The following ITPR1 variants were observed in gnomAD, a reference collection of about 807,000 sequenced individuals.
The protein encoded by ITPR1 is inositol 1,4,5-trisphosphate-gated calcium channel ITPR1.
A neutral mutation model predicts 318.4 loss-of-function variants in ITPR1; 96 were observed. The ratio of observed to expected loss-of-function variants is 0.30; its 90% confidence interval spans 0.26 to 0.36. The LOEUF (loss-of-function observed/expected upper bound fraction) is 0.36, where lower values mean the gene tolerates loss of function less well. ITPR1 is among the 10% of genes least tolerant of loss of function. The pLI is 1.00. For missense variants in ITPR1, 2,440 were observed against 3,460.2 expected, an observed-to-expected ratio of 0.71 and a Z score of 7.40; for synonymous variants, 1,312 against 1,289.9, an observed-to-expected ratio of 1.02 and a Z score of -0.37.
chr3:4,600,475 C>T (rs920259385), intron 4 of ITPR1, among the ~76,000 whole-genome samples: 4 of 144,074 alleles, frequency 2.8e-5, no homozygotes, highest in Admixed American at 7.2e-5. Flanking sequence ...CTCTACGGAC[C>T]TTCCTGTTTT....
At chr3:4,555,800 A>T (rs1326272199) in intron 4 of ITPR1, among the ~76,000 whole-genome samples, 1 of 152,226 alleles carries the variant, frequency 6.6e-6, no homozygotes, top group Non-Finnish European at 1.5e-5. Context: ...GCCCCTTGCT[A>T]TTCTAAATGC....
intron 30 of ITPR1, among the ~76,000 whole-genome samples, chr3:4,686,811 T>C (rs1011687362): frequency 3.3e-5 from 5 of 152,254 alleles, no homozygotes; most frequent in African/African-American, 1.2e-4. Flanking sequence ...AGCAGATTCC[T>C]TTTATACGGA....
chr3:4,499,846 C>T (rs149640009), intron 2 of ITPR1, among the ~76,000 whole-genome samples: 301 of 152,276 alleles, frequency 2.0e-3, no homozygotes, highest in African/African-American at 6.8e-3. Flanking sequence ...TATGTTGCCT[C>T]GGCTGGCCTT....
chr3:4,542,525 C>T (rs917865733), intron 4 of ITPR1, among the ~76,000 whole-genome samples: 3 of 152,078 alleles, frequency 2.0e-5, no homozygotes, highest in Admixed American at 2.0e-4. Flanking sequence ...GGGTGACAAA[C>T]GAGTATGAGG....
At chr3:4,759,205 C>T (rs556171502) in intron 44 of ITPR1, among the ~76,000 whole-genome samples, 89 of 152,312 alleles carry the variant, frequency 5.8e-4, no homozygotes, top group African/African-American at 1.9e-3. Flanking sequence ...GTCATAACCA[C>T]GCTCCATGGC....
At chr3:4,703,631 CAAG>C (rs1031785786) in intron 36 of ITPR1, among the ~76,000 whole-genome samples, 1 of 152,078 alleles carries the variant, frequency 6.6e-6, no homozygotes, top group Non-Finnish European at 1.5e-5. Context: ...CAGACAGTAA[CAAG>C]AAGAGCAAGA....
intron 4 of ITPR1, among the ~76,000 whole-genome samples, chr3:4,594,146 A>T (rs1410269229): frequency 6.6e-6 from 1 of 152,136 alleles, no homozygotes; most frequent in Non-Finnish European, 1.5e-5. Context: ...AAGTTGAAGG[A>T]GTCTCCATCC....
At chr3:4,660,167 G>A (rs1009437826) in intron 13 of ITPR1, among the ~76,000 whole-genome samples, 6 of 152,052 alleles carry the variant, frequency 3.9e-5, no homozygotes, top group African/African-American at 1.4e-4. Context: ...TAGATCTTTG[G>A]AATATGATAC....
chr3:4,820,839 G>A (rs2049662163), intron 60 of ITPR1, among the ~76,000 whole-genome samples: 1 of 152,234 alleles, frequency 6.6e-6, no homozygotes, highest in Non-Finnish European at 1.5e-5. Flanking sequence ...GGACTCCTAA[G>A]GGAGCATTAG....
At position 4,691,419 on chromosome 3, in the gene ITPR1, A is replaced by G. The variant is rs995980531; in HGVS notation, c.4029+75A>G. The stretch of plus-strand genomic sequence containing the variant: ...TTTAAAATTATTTAATCTTATCTGT[A>G]TGAACTTGCACCCTCTTCAGGAGCC... On this transcript the variant is annotated intron_variant, in intron 32 of 61. Transcript: ENST00000649015. 3.6e-5 allele frequency: 36 copies of G among 1,012,152 alleles called. 1 individual carries two copies. The highest frequency in any genetic ancestry group is 4.8e-5 in the Non-Finnish European group (32 of 670,110). 62.7% of individuals were successfully genotyped at this position (1,012,152 alleles called of 1,614,324 possible).
intron 39 of ITPR1, among the ~76,000 whole-genome samples, chr3:4,714,428 C>G (rs544182536): frequency 1.3e-3 from 192 of 152,304 alleles, no homozygotes; most frequent in African/African-American, 4.4e-3. Flanking sequence ...CTTCTCTGCC[C>G]TCTCCTGAGC....
Position 4,710,499 on chromosome 3 carries a change from T to C in ITPR1, c.4991+26T>C. 1.3e-6 allele frequency: 2 copies of C among 1,547,236 alleles called. No homozygotes were observed. The highest frequency in any genetic ancestry group is 1.2e-5 in the South Asian group (1 of 83,662). On this transcript the variant is annotated intron_variant, in intron 38 of 61. Transcript: ENST00000649015. The surrounding 1 kb of genome is among the most constrained non-coding windows in gnomAD (Gnocchi z 4.2). ...GTAAGCGGCCTCTCTCTCTGGGGTG[T>C]TCATTTGCCAGAACCTTGATGACCT...
At chr3:4,618,108 T>A (rs888570747) in intron 4 of ITPR1, among the ~76,000 whole-genome samples, 5 of 152,110 alleles carry the variant, frequency 3.3e-5, no homozygotes, top group African/African-American at 7.2e-5. Flanking sequence ...CTTTTGGGGA[T>A]GATGAAATGT....
intron 4 of ITPR1, among the ~76,000 whole-genome samples, chr3:4,571,021 T>C (rs919480749): frequency 6.6e-6 from 1 of 152,184 alleles, no homozygotes; most frequent in Non-Finnish European, 1.5e-5. Context: ...GCTCCATCTG[T>C]CTCTCATTCT....
intron 59 of ITPR1, among the ~76,000 whole-genome samples, chr3:4,815,477 T>C (rs1443696460): frequency 3.9e-5 from 6 of 152,182 alleles, no homozygotes; most frequent in Admixed American, 3.3e-4. Flanking sequence ...CATTTAGTCA[T>C]TTAACATCTT....
At chr3:4,577,778 A>T (rs1327742689) in intron 4 of ITPR1, among the ~76,000 whole-genome samples, 1 of 152,250 alleles carries the variant, frequency 6.6e-6, no homozygotes, top group African/African-American at 2.4e-5. Flanking sequence ...TGACTTCGCC[A>T]ACTGTCACAA....
chr3:4,736,144 G>GT (rs5846334), intron 44 of ITPR1, among the ~76,000 whole-genome samples: 78,821 of 150,016 alleles, frequency 0.53, 22,200 homozygotes, highest in East Asian at 0.85. Flanking sequence ...CTGAATAAGA[G>GT]TTTTTTTTTT....
intron 12 of ITPR1, among the ~76,000 whole-genome samples, chr3:4,655,300 C>T (rs985451290): frequency 6.6e-5 from 10 of 152,104 alleles, no homozygotes; most frequent in Middle Eastern, 3.2e-3. Flanking sequence ...TGGATCCTTT[C>T]GGTGAGCGCT....
At chr3:4,763,505 C>T (rs1416508168) in intron 44 of ITPR1, among the ~76,000 whole-genome samples, 2 of 152,192 alleles carry the variant, frequency 1.3e-5, no homozygotes, top group Non-Finnish European at 2.9e-5. Context: ...ACCTCAGAGC[C>T]CAGCCTGGGA....
Sources: allele counts gnomAD v4.1 joint callset (sites outside exome capture counted in the v4.1 genomes callset), GRCh38; gene constraint gnomAD v4.1.1; non-coding constraint Gnocchi (gnomAD v3.1); transcripts MANE v1.5; gene names NCBI Gene and HGNC (gene_info 2026-07-23, HGNC 2026-07-21).